SPAG16: variants seen among roughly 807,000 people sequenced by gnomAD.
SPAG16 encodes the protein sperm-associated antigen 16 protein.
Under a neutral mutation model 80.4 loss-of-function variants are expected in SPAG16, and 86 were observed. That is an observed-to-expected ratio of 1.07 (90% confidence interval 0.90 to 1.28). The LOEUF is 1.28. SPAG16 is among the 50% of genes most tolerant of loss of function. The pLI is 0.00. For synonymous variants in SPAG16, 294 were observed against 265.9 expected, an observed-to-expected ratio of 1.11 and a Z score of -1.03; for missense variants, 870 against 765.3, an observed-to-expected ratio of 1.14 and a Z score of -1.61.
chr2:213,972,070 A>T (rs983821198), intron 12 of SPAG16, among the ~76,000 whole-genome samples: 7 of 151,688 alleles, frequency 4.6e-5, no homozygotes, highest in Non-Finnish European at 1.0e-4. Flanking sequence ...AACCTCCAGG[A>T]TTTATTCTCT....
chr2:213,559,301 T>C (rs1171862369), intron 10 of SPAG16, among the ~76,000 whole-genome samples: 6 of 152,118 alleles, frequency 3.9e-5, no homozygotes, highest in African/African-American at 7.2e-5. Context: ...GTGCATGAGC[T>C]TCTAACCTTG....
At chr2:213,416,543 C>T (rs914351164) in intron 9 of SPAG16, among the ~76,000 whole-genome samples, 2 of 136,166 alleles carry the variant, frequency 1.5e-5, no homozygotes, top group African/African-American at 5.6e-5. Context: ...CATTACTTGA[C>T]TTGTTTTTTC....
At chr2:213,537,355 A>G (rs866031734) in intron 10 of SPAG16, among the ~76,000 whole-genome samples, 9 of 152,132 alleles carry the variant, frequency 5.9e-5, no homozygotes, top group Non-Finnish European at 1.2e-4. Flanking sequence ...GCAACCTATC[A>G]TACATTAATG....
Position 214,040,125 on chromosome 2 carries a change from G to C in SPAG16, c.1527+26048G>C, listed in dbSNP as rs10200258. ...TCTGCAATAGTGATGTTATCTGCAG[G>C]AGTAATAGGGGAAGTTGCATAGCCT... is the stretch of plus-strand genomic sequence containing the variant. On this transcript the variant is annotated intron_variant, in intron 13 of 15. Transcript: ENST00000331683. 9.1e-3 allele frequency among the ~76,000 whole-genome samples: 1,382 copies of C among 152,272 alleles called. 20 individuals carry two copies. Among genetic ancestry groups the C allele is most frequent in the African/African-American group, 0.032 (1,325 of 41,542 alleles).
At chr2:213,401,484 A>G (rs1397374007) in intron 9 of SPAG16, among the ~76,000 whole-genome samples, 2 of 152,178 alleles carry the variant, frequency 1.3e-5, no homozygotes, top group South Asian at 2.1e-4. Flanking sequence ...ATCTTGGATT[A>G]AAGGATATAA....
At chr2:213,876,913 T>A (rs1376092748) in intron 11 of SPAG16, among the ~76,000 whole-genome samples, 2 of 152,196 alleles carry the variant, frequency 1.3e-5, no homozygotes, top group Non-Finnish European at 1.5e-5. Flanking sequence ...AAATTATTTA[T>A]TTTGGTCTTC....
intron 15 of SPAG16, among the ~76,000 whole-genome samples, chr2:214,228,343 A>G (rs1174449410): frequency 6.6e-6 from 1 of 151,968 alleles, no homozygotes; most frequent in Middle Eastern, 3.2e-3. Flanking sequence ...TGATAGCATT[A>G]TATCACAGCT....
At chr2:213,445,775 T>C (rs80307240) in intron 9 of SPAG16, among the ~76,000 whole-genome samples, 2,210 of 152,290 alleles carry the variant, frequency 0.015, 23 homozygotes, top group South Asian at 0.038. Flanking sequence ...CTAAAATGGC[T>C]TTTATATTAT....
Position 213,929,978 on chromosome 2 carries a change from T to A in SPAG16, c.1233T>A (p.Thr411=). 6.2e-7 allele frequency: 1 copy of A among 1,608,146 alleles called. No homozygotes were observed. Among genetic ancestry groups the A allele is most frequent in the Non-Finnish European group, 8.5e-7 (1 of 1,178,280 alleles). Residue 411 remains threonine (T), a synonymous_variant, in exon 12 of 16, where the codon ACT becomes ACA. Coordinates refer to ENST00000331683, the MANE Select transcript of SPAG16 (RefSeq NM_024532.5). ...CFHPSGDKLA[T]SSGDTTVKLW... ...CAAATAGTGGCGACAAATTGGCTAC[T>A]TCAAGTGGTGACACTACAGTTAAAT...
intron 10 of SPAG16, among the ~76,000 whole-genome samples, chr2:213,806,082 G>C (rs1245140957): frequency 6.6e-6 from 1 of 152,100 alleles, no homozygotes; most frequent in African/African-American, 2.4e-5. Context: ...TAAAATTGAT[G>C]GTTTCTTTGT....
At chr2:213,675,578 G>A (rs1452397037) in intron 10 of SPAG16, among the ~76,000 whole-genome samples, 1 of 152,134 alleles carries the variant, frequency 6.6e-6, no homozygotes, top group Non-Finnish European at 1.5e-5. Context: ...TGTAAGGAAG[G>A]GATCCAGTTT....
chr2:213,325,866 C>T (rs1356893113), intron 5 of SPAG16, among the ~76,000 whole-genome samples: 5 of 151,908 alleles, frequency 3.3e-5, no homozygotes, highest in East Asian at 1.9e-4. Flanking sequence ...ACTATACCCA[C>T]GGGGCCTATC....
intron 9 of SPAG16, among the ~76,000 whole-genome samples, chr2:213,408,163 G>T (rs2068770308): frequency 2.0e-5 from 3 of 152,108 alleles, no homozygotes; most frequent in Admixed American, 1.3e-4. Context: ...TTAAAAGCTA[G>T]GGTAAATTTA....
At chr2:214,205,987 G>A (rs2058133541) in intron 15 of SPAG16, among the ~76,000 whole-genome samples, 1 of 151,958 alleles carries the variant, frequency 6.6e-6, no homozygotes, top group Non-Finnish European at 1.5e-5. Context: ...GAGGTCAGGA[G>A]ATCCAGAACA....
intron 15 of SPAG16, among the ~76,000 whole-genome samples, chr2:214,360,385 C>A (rs1013991589): frequency 1.6e-4 from 25 of 151,778 alleles, no homozygotes; most frequent in African/African-American, 6.0e-4. Context: ...CCAAAGAGAA[C>A]AAATTGAAAA....
chr2:213,393,308 T>A (rs949969618), intron 9 of SPAG16, among the ~76,000 whole-genome samples: 1 of 151,756 alleles, frequency 6.6e-6, no homozygotes, highest in Non-Finnish European at 1.5e-5. Flanking sequence ...ATTTGTAGAT[T>A]AAATATAGCA....
chr2:213,307,197 TA>T (rs1486956704), intron 3 of SPAG16, among the ~76,000 whole-genome samples: 1 of 152,118 alleles, frequency 6.6e-6, no homozygotes, highest in South Asian at 2.1e-4. Context: ...TGTTTTTTTT[TA>T]TTTTTTTTAC....
Position 213,901,230 on chromosome 2 carries a change from G to A in SPAG16, c.1215-28730G>A, listed in dbSNP as rs2077208119. ...GAGTTTTCTAAATTACCAGAGGAGG[G>A]CTTCAGTTTGGGCCTAAGTATCGTA... On this transcript the variant is annotated intron_variant, in intron 11 of 15. Transcript: ENST00000331683. 2.6e-5 allele frequency among the ~76,000 whole-genome samples: 4 copies of A among 152,118 alleles called. No individual in the cohort carries two copies. In the South Asian group the frequency reaches 8.3e-4, roughly 31 times the overall value.
chr2:214,029,614 A>C (rs1364092590), intron 13 of SPAG16, among the ~76,000 whole-genome samples: 3 of 123,664 alleles, frequency 2.4e-5, no homozygotes, highest in African/African-American at 5.1e-5. Flanking sequence ...TTAAACACAC[A>C]AAAGAAAAGA....
Sources: gnomAD v4.1 joint callset for allele counts (sites outside exome capture counted in the v4.1 genomes callset) on GRCh38, gnomAD v4.1.1 for gene constraint, MANE v1.5 for transcripts, NCBI Gene and HGNC (gene_info 2026-07-23, HGNC 2026-07-21) for gene names.